The following HTT-AS variants were observed in gnomAD, a reference collection of about 807,000 sequenced individuals.
HTT-AS encodes the protein HTT antisense RNA (head to head).
chr4:3,071,702 T>C (rs1255485649), intron 1 of HTT-AS, among the ~76,000 whole-genome samples: 1 of 152,066 alleles, frequency 6.6e-6, no homozygotes, highest in Non-Finnish European at 1.5e-5. Flanking sequence ...ACAGGTTCTT[T>C]AAGGAGGTAA....
intron 1 of HTT-AS, among the ~76,000 whole-genome samples, chr4:3,065,871 G>A (rs1227000644): frequency 6.6e-6 from 1 of 152,214 alleles, no homozygotes; most frequent in Non-Finnish European, 1.5e-5. Context: ...CATTGAATGT[G>A]TACTGCTTTT....
chr4:3,047,255 G>A (rs185186024), downstream of HTT-AS, among the ~76,000 whole-genome samples: 1,304 of 152,268 alleles, frequency 8.6e-3, 19 homozygotes, highest in African/African-American at 0.03. Context: ...AGCTTGCAGT[G>A]AGCCGAGATT....
intron 1 of HTT-AS, among the ~76,000 whole-genome samples, chr4:3,069,150 G>GATT (rs377090138): frequency 6.9e-6 from 1 of 144,534 alleles, no homozygotes; most frequent in African/African-American, 2.5e-5. Flanking sequence ...AACGGTGTAT[G>GATT]TTTTTTTTTT....
At chr4:3,057,822 A>C (rs1442559923) in intron 2 of HTT-AS, among the ~76,000 whole-genome samples, 1 of 151,342 alleles carries the variant, frequency 6.6e-6, no homozygotes, top group East Asian at 2.0e-4. Context: ...ACGGGGTTTC[A>C]CCATGTTAGC....
chr4:3,050,213 C>T (rs1263309), intron 2 of HTT-AS, among the ~76,000 whole-genome samples: 75,432 of 152,092 alleles, frequency 0.5, 19,119 homozygotes, highest in South Asian at 0.72. Context: ...ATCCCAGTTG[C>T]TTCTCCAAAT....
At chr4:3,047,746 G>A (rs1288545898), downstream of HTT-AS, among the ~76,000 whole-genome samples, 2 of 152,224 alleles carry the variant, frequency 1.3e-5, no homozygotes, top group Non-Finnish European at 2.9e-5. Flanking sequence ...CAGCCATCCG[G>A]AGGCCTGACC....
exon 2 of HTT-AS, chr4:3,063,331 G>C (rs1269026312): frequency 1.3e-5 from 2 of 152,536 alleles, no homozygotes; most frequent in Non-Finnish European, 2.9e-5. Context: ...CATGTTAAAA[G>C]CCTTGCTCAG....
At chr4:3,057,947 A>T (rs1711841386) in intron 2 of HTT-AS, among the ~76,000 whole-genome samples, 1 of 151,932 alleles carries the variant, frequency 6.6e-6, no homozygotes, top group African/African-American at 2.4e-5. Context: ...TATATGCTAA[A>T]CAAGAGGTGG....
intron 1 of HTT-AS, among the ~76,000 whole-genome samples, chr4:3,069,774 T>A (rs1250822656): frequency 1.3e-5 from 2 of 152,160 alleles, no homozygotes; most frequent in Admixed American, 1.3e-4. Context: ...GCCCGTGCTC[T>A]TTACCAGCTC....
At chr4:3,047,632 G>A (rs116714895), downstream of HTT-AS, among the ~76,000 whole-genome samples, 707 of 152,304 alleles carry the variant, frequency 4.6e-3, 3 homozygotes, top group African/African-American at 0.016. Flanking sequence ...TAGCCGACCA[G>A]GGAAGGGAGT....
chr4:3,050,350 CTT>C (rs1711680087), intron 2 of HTT-AS, among the ~76,000 whole-genome samples: 1 of 152,202 alleles, frequency 6.6e-6, no homozygotes, highest in Non-Finnish European at 1.5e-5. Context: ...CTGGCAAACT[CTT>C]TTCTTGGTAT....
downstream of HTT-AS, among the ~76,000 whole-genome samples, chr4:3,047,702 T>C (rs1051831347): frequency 2.0e-5 from 3 of 152,194 alleles, no homozygotes; most frequent in Admixed American, 6.5e-5. Context: ...CCACCATCTC[T>C]TGTGGAAGGC....
intron 2 of HTT-AS, among the ~76,000 whole-genome samples, chr4:3,056,720 C>G (rs911118153): frequency 6.6e-5 from 10 of 152,158 alleles, no homozygotes; most frequent in African/African-American, 2.4e-4. Context: ...TCACCAGAAA[C>G]TAGGTATTTC....
chr4:3,047,720 C>G (rs560426291), downstream of HTT-AS, among the ~76,000 whole-genome samples: 2 of 152,226 alleles, frequency 1.3e-5, no homozygotes, highest in South Asian at 2.1e-4. Flanking sequence ...GGCCTGACAT[C>G]AGTCAGGCCC....
At chr4:3,057,648 A>C (rs533069821) in intron 2 of HTT-AS, among the ~76,000 whole-genome samples, 54 of 151,760 alleles carry the variant, frequency 3.6e-4, no homozygotes, top group African/African-American at 1.3e-3. Flanking sequence ...TTATTTATTT[A>C]TTTTTGAGAC....
chr4:3,051,462 G>T (rs998391102), intron 2 of HTT-AS, among the ~76,000 whole-genome samples: 3 of 151,850 alleles, frequency 2.0e-5, no homozygotes, highest in Non-Finnish European at 4.4e-5. Context: ...GTGGTTCAAT[G>T]AAACAAAAAA....
At chr4:3,054,818 G>A (rs949937547) in intron 2 of HTT-AS, among the ~76,000 whole-genome samples, 4 of 151,688 alleles carry the variant, frequency 2.6e-5, no homozygotes, top group South Asian at 2.1e-4. Flanking sequence ...GGGTTTAAGC[G>A]ATTCTCCTGC....
downstream of HTT-AS, among the ~76,000 whole-genome samples, chr4:3,047,398 T>G (rs971101899): frequency 3.9e-5 from 6 of 152,222 alleles, no homozygotes; most frequent in Non-Finnish European, 7.3e-5. Flanking sequence ...ATATGACTAT[T>G]ATCAATCATT....
At chr4:3,053,780 TG>T (rs1487675156) in intron 2 of HTT-AS, among the ~76,000 whole-genome samples, 3 of 148,176 alleles carry the variant, frequency 2.0e-5, no homozygotes, top group African/African-American at 7.5e-5. Context: ...TTTTTTGAGA[TG>T]GAGTTTCACT....
Sources: allele counts gnomAD v4.1 joint callset (sites outside exome capture counted in the v4.1 genomes callset), GRCh38; gene constraint gnomAD v4.1.1; transcripts MANE v1.5; gene names NCBI Gene and HGNC (gene_info 2026-07-23, HGNC 2026-07-21).